The following PIEZO2 variants were observed in gnomAD, a reference collection of about 807,000 sequenced individuals.
The protein encoded by PIEZO2 is piezo type mechanosensitive ion channel component 2, also known as piezo-type mechanosensitive ion channel component 2.
In PIEZO2, 172 loss-of-function variants were observed where a neutral mutation model predicts 337.3. That is an observed-to-expected ratio of 0.51 (90% CI 0.45 to 0.58). PIEZO2 has a LOEUF of 0.58. Among genes scored for constraint, PIEZO2 ranks in the 20% least tolerant of loss-of-function variants. PIEZO2 has a pLI of 0.00. For synonymous variants in PIEZO2, 1,251 were observed against 1,228.5 expected, an observed-to-expected ratio of 1.02 and a Z score of -0.38; for missense variants, 3,028 against 3,391.3, an observed-to-expected ratio of 0.89 and a Z score of 2.66.
At chr18:11,030,211 T>C (rs900830511) in intron 2 of PIEZO2, among the ~76,000 whole-genome samples, 1 of 152,154 alleles carries the variant, frequency 6.6e-6, no homozygotes, top group African/African-American at 2.4e-5. Context: ...GAATAAACAC[T>C]CGCTACTTAT....
chr18:10,796,754 G>T (rs2039613018), intron 12 of PIEZO2, among the ~76,000 whole-genome samples: 1 of 152,148 alleles, frequency 6.6e-6, no homozygotes, highest in African/African-American at 2.4e-5. Flanking sequence ...GAGCCAGTGG[G>T]ACTGTGGTCT....
At chr18:10,786,631 C>A (rs1456241019) in intron 16 of PIEZO2, among the ~76,000 whole-genome samples, 4 of 152,202 alleles carry the variant, frequency 2.6e-5, no homozygotes, top group African/African-American at 9.7e-5. Flanking sequence ...AAATTTATTT[C>A]TTTTTGGCGC....
intron 2 of PIEZO2, among the ~76,000 whole-genome samples, chr18:11,057,361 G>T (rs1416914865): frequency 6.6e-6 from 1 of 152,084 alleles, no homozygotes; most frequent in Non-Finnish European, 1.5e-5. Context: ...ATCTACTGAG[G>T]TAATTACACA....
At chr18:10,987,420 C>T (rs1326781397) in intron 2 of PIEZO2, among the ~76,000 whole-genome samples, 2 of 152,072 alleles carry the variant, frequency 1.3e-5, no homozygotes, top group African/African-American at 4.8e-5. Context: ...GTATAGCCAT[C>T]TCATTTTTGA....
chr18:10,816,542 T>A (rs1004480755), intron 7 of PIEZO2, among the ~76,000 whole-genome samples: 1 of 152,200 alleles, frequency 6.6e-6, no homozygotes, highest in Non-Finnish European at 1.5e-5. Context: ...TCAAAGACTT[T>A]TATAAACAAA....
Position 11,042,748 on chromosome 18 carries a change from C to T in PIEZO2, c.160+23379G>A, listed in dbSNP as rs150164974. Among the ~76,000 whole-genome samples, 340 of 152,288 alleles carry T rather than the reference C, an allele frequency of 2.2e-3. 2 individuals are homozygous for T. The highest frequency in any genetic ancestry group is 0.013 in the South Asian group (65 of 4,822). On this transcript the variant is annotated intron_variant, in intron 2 of 55. Coordinates refer to ENST00000674853, the MANE Select transcript of PIEZO2 (RefSeq NM_001378183.1). ...CTCAGATTTGCTCAGATGTCATACACCTTTGGGGGGCAGGAAAAGAAATGC... is the reference window on the plus strand; with the variant it reads ...CTCAGATTTGCTCAGATGTCATACATCTTTGGGGGGCAGGAAAAGAAATGC...
intron 18 of PIEZO2, among the ~76,000 whole-genome samples, chr18:10,778,759 T>A (rs777577621): frequency 7.2e-5 from 11 of 152,190 alleles, no homozygotes; most frequent in Non-Finnish European, 1.5e-4. Flanking sequence ...TTCTAAGAAG[T>A]CCTGAGAGAA....
At chr18:10,742,444 G>T in intron 32 of PIEZO2, 50 bp downstream of exon 32, 6 of 1,521,824 alleles carry the variant, frequency 3.9e-6, no homozygotes, top group Non-Finnish European at 5.3e-6. Flanking sequence ...TCAATATCAT[G>T]CTATTATTCA....
At chr18:10,696,746 C>T (rs2035108046) in intron 45 of PIEZO2, among the ~76,000 whole-genome samples, 1 of 152,218 alleles carries the variant, frequency 6.6e-6, no homozygotes, top group Non-Finnish European at 1.5e-5. Context: ...AAGATAGGTA[C>T]TGCAGCCCTC....
At chr18:11,067,460 C>T (rs1598908856) in intron 1 of PIEZO2, among the ~76,000 whole-genome samples, 1 of 152,184 alleles carries the variant, frequency 6.6e-6, no homozygotes, top group East Asian at 1.9e-4. Flanking sequence ...ATGAAAGAAT[C>T]TTTTAAAGAC....
intron 3 of PIEZO2, among the ~76,000 whole-genome samples, chr18:10,977,212 A>G (rs1015913202): frequency 6.6e-6 from 1 of 152,112 alleles, no homozygotes; most frequent in African/African-American, 2.4e-5. Context: ...CTTGTGAGTC[A>G]GAAGAGATCA....
intron 1 of PIEZO2, among the ~76,000 whole-genome samples, chr18:11,089,270 T>C (rs921329518): frequency 2.0e-5 from 3 of 152,192 alleles, no homozygotes; most frequent in Non-Finnish European, 4.4e-5. Context: ...CATCTTAATC[T>C]GTCTTGACAA....
chr18:10,750,091 G>A lies in PIEZO2; in HGVS notation c.4264C>T (p.Pro1422Ser), dbSNP rs1396351234. 1.2e-5 allele frequency: 18 copies of A among 1,533,596 alleles called. No individual in the cohort carries two copies. The highest frequency in any genetic ancestry group is 1.7e-4 in the Middle Eastern group (1 of 5,982). The allele number at this position is 1,533,596 out of a possible 1,614,324, so 95.0% of individuals were successfully genotyped here. A position where few individuals can be genotyped will look rare whatever the true frequency, so the allele number is the denominator to read the frequency against. ...LACTVKGYQM[P>S]AANSPCTLPS... ...CTTCACACTTGCTTTTCATACTTAC[G>A]CATTTGATAGCCTTTGACTGTGCAG... The change falls in exon 29 of 56, where the codon CCT becomes TCT. Residue 1422 changes from proline (P) to serine (S), a missense_variant and splice_region_variant. Physicochemically the swap from Pro to Ser is moderately conservative, Grantham distance 74 (BLOSUM62 -1). This residue lies in a region of PIEZO2 where 1,925 missense variants were observed against 2,051.9 expected (regional missense o/e 0.94). Transcript: ENST00000674853. This position sits in a 1 kb window ranked among gnomAD's most constrained non-coding sequence, Gnocchi z 4.1.
chr18:10,675,377 T>A, intron 53 of PIEZO2, 89 bp from the exon 54 acceptor site: 2 of 738,990 alleles, frequency 2.7e-6, no homozygotes, highest in South Asian at 4.3e-5. Flanking sequence ...TGACCTTGTA[T>A]CACCAAATAA....
At chr18:11,091,644 G>A (rs2039094784) in intron 1 of PIEZO2, among the ~76,000 whole-genome samples, 1 of 152,194 alleles carries the variant, frequency 6.6e-6, no homozygotes, top group Admixed American at 6.5e-5. Flanking sequence ...CTATTTCATG[G>A]ATGATAGGGT....
rs573001487 is a variant in PIEZO2, at chr18:10,885,265, A to G, written c.330-13850T>C. Among the ~76,000 whole-genome samples, 13 of 152,232 alleles carry G rather than the reference A, an allele frequency of 8.5e-5. No homozygotes were observed. The East Asian group carries it at 1.9e-3, about 23-fold the overall frequency. On this transcript the variant is annotated intron_variant, in intron 4 of 55. Coordinates refer to ENST00000674853, the MANE Select transcript of PIEZO2 (RefSeq NM_001378183.1). ...TGGTGAAACCCTGTCTCTACTAAAA[A>G]TACAAAAAATTAGCTGGGCGTGGTG...
intron 1 of PIEZO2, among the ~76,000 whole-genome samples, chr18:11,075,911 C>T (rs2038525350): frequency 6.6e-6 from 1 of 151,566 alleles, no homozygotes; most frequent in South Asian, 2.1e-4. Flanking sequence ...GCCTCAGCCT[C>T]CCGAGTTAGC....
At chr18:10,984,507 A>G (rs2034792695) in intron 2 of PIEZO2, among the ~76,000 whole-genome samples, 1 of 152,130 alleles carries the variant, frequency 6.6e-6, no homozygotes, top group Non-Finnish European at 1.5e-5. Flanking sequence ...CAAAGAACTC[A>G]AAGACAGATT....
intron 36 of PIEZO2, among the ~76,000 whole-genome samples, chr18:10,728,954 CAAAAAAAAAA>C (rs143511795): frequency 2.6e-5 from 2 of 75,656 alleles, no homozygotes; most frequent in Non-Finnish European, 5.4e-5. Flanking sequence ...GACTCTGTCT[CAAAAAAAAAA>C]AAAAAAAAAA....
Sources: allele counts gnomAD v4.1 joint callset (sites outside exome capture counted in the v4.1 genomes callset), GRCh38; gene constraint gnomAD v4.1.1; regional missense constraint gnomAD v4.1.1; non-coding constraint Gnocchi (gnomAD v3.1); transcripts MANE v1.5; gene names NCBI Gene and HGNC (gene_info 2026-07-23, HGNC 2026-07-21).